The following ATP7A variants were observed in gnomAD, a reference collection of about 807,000 sequenced individuals.
The protein encoded by ATP7A is ATPase copper transporting alpha.
In ATP7A, 7 loss-of-function variants were observed where a neutral mutation model predicts 83.5. The ratio of observed to expected loss-of-function variants is 0.08; its 90% confidence interval spans 0.05 to 0.16. The LOEUF is 0.16. Ranked by LOEUF, ATP7A falls within the 10% of genes least tolerant of loss-of-function variation. The pLI, the probability that ATP7A is intolerant of heterozygous loss-of-function variation, is 1.00. For missense variants in ATP7A, 940 were observed against 1,120.8 expected (o/e 0.84, Z 2.30); for synonymous variants, 354 against 395.2 (o/e 0.90, Z 1.24).
chrX:77,941,155 C>T (rs781835435), intron 1 of ATP7A, among the ~76,000 whole-genome samples: 4 of 111,296 alleles, frequency 3.6e-5, no homozygotes, highest in Middle Eastern at 9.2e-3. Context: ...AATAACACTT[C>T]CAGGAATTTT....
At position 78,041,593 on chromosome X, in the gene ATP7A, TA is replaced by T. The variant is rs782698239; in HGVS notation, c.3801+866del. On this transcript the variant is annotated intron_variant, in intron 19 of 22. Transcript: ENST00000341514. ...CCCGGCCTATTAACACCTTCTTATG[TA>T]AAAAATACAGAAGGATATAAAGTAA... 5.4e-5 allele frequency among the ~76,000 whole-genome samples: 6 copies of T among 110,666 alleles called. No individual in the cohort carries two copies. In the East Asian group the frequency reaches 1.7e-3, roughly 31 times the overall value.
At chrX:78,038,020 G>A (rs1033352329) in intron 17 of ATP7A, among the ~76,000 whole-genome samples, 4 of 68,519 alleles carry the variant, frequency 5.8e-5, no homozygotes, top group African/African-American at 2.7e-4. Context: ...ATAGGACAAT[G>A]TACAGCAGAG....
At chrX:77,968,498 C>T (rs1213753184) in intron 1 of ATP7A, among the ~76,000 whole-genome samples, 8 of 111,664 alleles carry the variant, frequency 7.2e-5, no homozygotes, top group Non-Finnish European at 1.1e-4. Flanking sequence ...AGACTCTGCT[C>T]ATGGGGACAG....
At chrX:77,915,509 A>G (rs1444326670) in intron 1 of ATP7A, among the ~76,000 whole-genome samples, 5 of 111,094 alleles carry the variant, frequency 4.5e-5, no homozygotes, top group African/African-American at 1.6e-4. Flanking sequence ...AGGATTGTTA[A>G]TGATCTAATA....
At chrX:77,917,163 A>T (rs2077189629) in intron 1 of ATP7A, among the ~76,000 whole-genome samples, 1 of 112,146 alleles carries the variant, frequency 8.9e-6, no homozygotes, top group Non-Finnish European at 1.9e-5. Context: ...AAACAAAGTC[A>T]TAGAAATAAA....
chrX:77,965,488 A>G (rs1301066404), intron 1 of ATP7A: 5 of 303,313 alleles, frequency 1.6e-5, no homozygotes, highest in Non-Finnish European at 3.2e-5. Context: ...ACCTGCTAGG[A>G]TGGGTAGAAT....
chrX:77,980,911 G>A (rs1305348882), intron 2 of ATP7A, among the ~76,000 whole-genome samples: 3 of 111,708 alleles, frequency 2.7e-5, no homozygotes, highest in African/African-American at 6.5e-5. Context: ...CAGGTGATCC[G>A]CCTGCCTCGG....
intron 2 of ATP7A, among the ~76,000 whole-genome samples, chrX:77,986,492 G>C (rs1191908474): frequency 5.4e-5 from 6 of 110,898 alleles, no homozygotes; most frequent in African/African-American, 9.8e-5. Context: ...AAAATCAATA[G>C]GTCCAGCACT....
intron 1 of ATP7A, among the ~76,000 whole-genome samples, chrX:77,926,091 G>A (rs2077239917): frequency 9.1e-6 from 1 of 110,479 alleles, no homozygotes; most frequent in South Asian, 3.8e-4. Flanking sequence ...GTGGCTCATA[G>A]TCGTTTGTAA....
Position 78,045,070 on chromosome X carries a change from C to T in ATP7A, c.4124-400C>T, listed in dbSNP as rs142000631. ...GTCTATTTCATCCTCATCATGTGAG[C>T]AAACATTCTTATGTCTGTGAAAACC... On this transcript the variant is annotated intron_variant, in intron 21 of 22. Transcript: ENST00000341514. Among the ~76,000 whole-genome samples, 34 of 112,305 alleles carry T rather than the reference C, an allele frequency of 3.0e-4. 1 individual carries two copies. The East Asian group carries it at 8.9e-3, about 29-fold the overall frequency.
At chrX:77,995,657 A>G (rs1557232467) in intron 4 of ATP7A, among the ~76,000 whole-genome samples, 1 of 111,234 alleles carries the variant, frequency 9.0e-6, no homozygotes, top group Middle Eastern at 4.2e-3. Flanking sequence ...TTAAAGTAAA[A>G]AGGCATGATA....
intron 1 of ATP7A, among the ~76,000 whole-genome samples, chrX:77,967,033 G>A (rs2077511315): frequency 9.0e-6 from 1 of 111,347 alleles, no homozygotes; most frequent in Admixed American, 9.6e-5. Context: ...TTAGTCTGCT[G>A]AGGATGATGG....
Position 78,040,671 on chromosome X carries a change from G to A in ATP7A, c.3739G>A (p.Gly1247Ser), listed in dbSNP as rs1557238263. The A allele has an allele frequency of 8.3e-6, 10 of 1,210,900 alleles. No homozygotes were observed. Among genetic ancestry groups the A allele is most frequent in the Non-Finnish European group, 1.1e-5 (10 of 894,794 alleles). Residue 1247 changes from glycine to serine, a missense_variant, in exon 19 of 23, where the codon GGC becomes AGC. By Grantham distance (56) the Gly-to-Ser change is moderately conservative. Coordinates refer to ENST00000341514, the MANE Select transcript of ATP7A (RefSeq NM_000052.7). ...GGCTATCCATATTCTGAAATCTATG[G>A]GCTTAGAAGTAGTTCTGATGACTGG... ...ELAIHILKSMGLEVVLMTGDN... is the reference protein window; with the variant it reads ...ELAIHILKSMSLEVVLMTGDN...
intron 21 of ATP7A, 132 bp downstream of exon 21, chrX:78,043,566 A>G: frequency 1.9e-6 from 1 of 517,842 alleles, no homozygotes. Context: ...GTGAGAGGTA[A>G]TGTTAAAATC....
At chrX:77,947,982 C>T (rs1239204241) in intron 1 of ATP7A, among the ~76,000 whole-genome samples, 1 of 103,015 alleles carries the variant, frequency 9.7e-6, no homozygotes, top group Non-Finnish European at 2.0e-5. Flanking sequence ...CTCAGGTGAT[C>T]GCCCTCTTCA....
chrX:77,950,466 A>C (rs1186570662), intron 1 of ATP7A, among the ~76,000 whole-genome samples: 1 of 112,101 alleles, frequency 8.9e-6, no homozygotes, highest in Non-Finnish European at 1.9e-5. Flanking sequence ...CTATTATAAA[A>C]AATTTAGATC....
In ATP7A at chrX:78,013,041, A is replaced by G. The variant is rs2077838096; in HGVS notation, c.2335A>G (p.Thr779Ala). ...TGAGAGAGCCAAAGTGAACCCTATT[A>G]CTTTCTTTGACACACCCCCTATGCT... ...MYERAKVNPI[T>A]FFDTPPMLFV... The change falls in exon 10 of 23, where the codon ACT (threonine) becomes GCT (alanine). Residue 779 changes from threonine (T) to alanine (A), a missense_variant. By Grantham distance (58) the Thr-to-Ala change is moderately conservative. Around this residue, in one of 3 missense-constraint regions of ATP7A, gnomAD observed 204 missense variants for 185.8 expected, o/e 1.10. Transcript: ENST00000341514. The G allele has an allele frequency of 8.3e-7, 1 of 1,208,696 alleles. No homozygotes were observed. Among genetic ancestry groups the G allele is most frequent in the Non-Finnish European group, 1.1e-6 (1 of 894,759 alleles).
intron 5 of ATP7A, among the ~76,000 whole-genome samples, chrX:78,002,635 A>G (rs1250931850): frequency 9.0e-6 from 1 of 111,318 alleles, no homozygotes; most frequent in Non-Finnish European, 1.9e-5. Context: ...TTTTAGAGAT[A>G]CATATTTAAA....
At chrX:78,005,702 A>AAAAAAAAAAAAAAAAAAAAAAAAAAAC (rs2077770273) in intron 6 of ATP7A, among the ~76,000 whole-genome samples, 1 of 105,797 alleles carries the variant, frequency 9.5e-6, no homozygotes, top group African/African-American at 3.4e-5. Flanking sequence ...AAAAAAAAAA[A>AAAAAAAAAAAAAAAAAAAAAAAAAAAC]AAAAGAAAAA....
Sources: allele counts gnomAD v4.1 joint callset (sites outside exome capture counted in the v4.1 genomes callset), GRCh38; gene constraint gnomAD v4.1.1; regional missense constraint gnomAD v4.1.1; transcripts MANE v1.5; gene names NCBI Gene and HGNC (gene_info 2026-07-23, HGNC 2026-07-21).